The following NCOA6 variants were observed in gnomAD, a reference collection of about 807,000 sequenced individuals.
NCOA6 encodes the protein nuclear receptor coactivator 6, also known as NRC RAP250.
In NCOA6, 49 loss-of-function variants were observed where a neutral mutation model predicts 171.4. The ratio of observed to expected loss-of-function variants is 0.29; its 90% CI spans 0.23 to 0.36. NCOA6 has a LOEUF of 0.36. NCOA6 is among the 10% of genes least tolerant of loss of function. The pLI is 1.00. For synonymous variants in NCOA6, 910 were observed against 927.5 expected (o/e 0.98, Z 0.34); for missense variants, 2,248 against 2,554.5 (o/e 0.88, Z 2.59).
At chr20:34,807,852 GAA>G (rs1465169381) in intron 1 of NCOA6, among the ~76,000 whole-genome samples, 2 of 143,792 alleles carry the variant, frequency 1.4e-5, no homozygotes, top group East Asian at 4.7e-4. Context: ...TTTTTTTGTA[GAA>G]ACAGTATCTT....
At chr20:34,787,194 A>G (rs1008825817) in intron 2 of NCOA6, among the ~76,000 whole-genome samples, 3 of 151,758 alleles carry the variant, frequency 2.0e-5, no homozygotes, top group East Asian at 3.9e-4. Context: ...TTGTCCTCCA[A>G]TCTGTCTCCA....
intron 1 of NCOA6, among the ~76,000 whole-genome samples, chr20:34,807,691 A>T (rs2078501637): frequency 6.6e-6 from 1 of 151,978 alleles, no homozygotes; most frequent in Admixed American, 6.6e-5. Context: ...AGTCCTGGCT[A>T]ATTTTTTGTA....
At chr20:34,761,788 T>C (rs1269058380) in intron 5 of NCOA6, among the ~76,000 whole-genome samples, 4 of 152,124 alleles carry the variant, frequency 2.6e-5, no homozygotes, top group Admixed American at 6.5e-5. Context: ...CCCGAGTAGA[T>C]AGGACTACAG....
At chr20:34,816,380 A>G (rs1416304496) in intron 1 of NCOA6, among the ~76,000 whole-genome samples, 1 of 152,142 alleles carries the variant, frequency 6.6e-6, no homozygotes, top group East Asian at 1.9e-4. Context: ...CTACTGGAGT[A>G]GGGTGGGACC....
intron 11 of NCOA6, among the ~76,000 whole-genome samples, chr20:34,739,848 T>C (rs1340527465): frequency 6.6e-6 from 1 of 152,216 alleles, no homozygotes; most frequent in Non-Finnish European, 1.5e-5. Context: ...GAACTCTTTG[T>C]TTTGAGAGCC....
rs767108951 is a variant in NCOA6 at position 34,782,164 on chromosome 20, T to C, written c.192A>G (p.Lys64=). ...GNIDDKDFKW[K]LDAILKNVPN... is the part of the protein sequence containing the mutation. ...GCACGTTTTTCAATATTGCATCTAA[T>C]TTCCATTTGAAGTCTTTATCATCTA... The change falls in exon 3 of 15, where the codon AAA becomes AAG. Residue 64 remains lysine, a synonymous_variant. Coordinates refer to ENST00000359003, the MANE Select transcript of NCOA6 (RefSeq NM_014071.5). The C allele has an allele frequency of 1.2e-6, 2 of 1,609,312 alleles. No homozygotes were observed. Among genetic ancestry groups the C allele is most frequent in the Non-Finnish European group, 1.7e-6 (2 of 1,177,808 alleles).
intron 14 of NCOA6, among the ~76,000 whole-genome samples, chr20:34,722,832 T>TAC (rs1989536066): frequency 7.0e-6 from 1 of 141,910 alleles, no homozygotes; most frequent in South Asian, 2.2e-4. Flanking sequence ...CTAAAAAAAA[T>TAC]ACACACACAC....
chr20:34,748,435 ATATT>A (rs1441189698), intron 9 of NCOA6, among the ~76,000 whole-genome samples: 1 of 152,218 alleles, frequency 6.6e-6, no homozygotes. Flanking sequence ...TTAATTTTGA[ATATT>A]TAAGCTGGTT....
At chr20:34,736,534 C>A (rs1425402308) in intron 12 of NCOA6, among the ~76,000 whole-genome samples, 156 bp downstream of exon 12, 3 of 152,188 alleles carry the variant, frequency 2.0e-5, no homozygotes, top group Non-Finnish European at 2.9e-5. Context: ...TAGAACTGCA[C>A]AAGCTTTGTC....
chr20:34,812,543 T>G (rs1039512112), intron 1 of NCOA6, among the ~76,000 whole-genome samples: 1 of 152,072 alleles, frequency 6.6e-6, no homozygotes, highest in Non-Finnish European at 1.5e-5. Flanking sequence ...AACATGAAAC[T>G]TGAGATTTCC....
At chr20:34,769,532 T>C (rs1438002861) in intron 4 of NCOA6, among the ~76,000 whole-genome samples, 1 of 151,808 alleles carries the variant, frequency 6.6e-6, no homozygotes, top group East Asian at 1.9e-4. Flanking sequence ...CCCAGCTAAT[T>C]TTTGCATTTT....
chr20:34,753,802 A>G (rs2076565964), intron 8 of NCOA6, among the ~76,000 whole-genome samples: 1 of 152,186 alleles, frequency 6.6e-6, no homozygotes. Context: ...CTTTTTTTGT[A>G]AAAGTCAGAT....
In NCOA6 at chr20:34,757,245, T is replaced by C. The variant is rs1410799953; in HGVS notation, c.1503A>G (p.Pro501=). ...CTCCTAGGCCTGGATGTAAACTCTGTGGCCCCTGGTTTGGTGGTTGCTGCT... is the reference window on the plus strand; with the variant it reads ...CTCCTAGGCCTGGATGTAAACTCTGCGGCCCCTGGTTTGGTGGTTGCTGCT... ...VMQQQPPNQG[P]QSLHPGLGGM... Residue 501 remains proline (P), a synonymous_variant, in exon 7 of 15, where the codon CCA becomes CCG. Coordinates refer to ENST00000359003, the MANE Select transcript of NCOA6 (RefSeq NM_014071.5). 2 of 1,600,010 alleles carry C rather than the reference T, an allele frequency of 1.2e-6. No individual in the cohort carries two copies. Among genetic ancestry groups the C allele is most frequent in the South Asian group, 1.1e-5 (1 of 88,318 alleles).
chr20:34,775,672 C>CAAAAAAAAAAAA (rs570763953), intron 4 of NCOA6, among the ~76,000 whole-genome samples: 4 of 77,538 alleles, frequency 5.2e-5, no homozygotes, highest in Non-Finnish European at 7.6e-5. Context: ...GACTCTGTCT[C>CAAAAAAAAAAAA]AAAAAAAAAA....
At chr20:34,774,481 A>C (rs542919133) in intron 4 of NCOA6, among the ~76,000 whole-genome samples, 217 of 152,376 alleles carry the variant, frequency 1.4e-3, no homozygotes, top group Non-Finnish European at 2.2e-3. Flanking sequence ...TTTCTAAATA[A>C]TTTGTTTGTT....
At chr20:34,732,497 T>C in intron 13 of NCOA6, 62 bp downstream of exon 13, 3 of 1,508,206 alleles carry the variant, frequency 2.0e-6, no homozygotes, top group Non-Finnish European at 2.8e-6. Context: ...CTGAGACAGC[T>C]GATACCTTTC....
chr20:34,809,961 G>A (rs1294541522), intron 1 of NCOA6, among the ~76,000 whole-genome samples: 3 of 151,684 alleles, frequency 2.0e-5, no homozygotes, highest in African/African-American at 7.3e-5. Context: ...GAGCTAGACT[G>A]TCTCAAAAAA....
At chr20:34,758,232 G>A in intron 6 of NCOA6, 128 bp from the exon 7 acceptor site, 3 of 1,251,328 alleles carry the variant, frequency 2.4e-6, no homozygotes, top group African/African-American at 1.5e-5. Context: ...AAATGCTTGT[G>A]AATACCTTCT....
chr20:34,802,195 G>A (rs538453277), intron 1 of NCOA6, among the ~76,000 whole-genome samples: 1 of 152,286 alleles, frequency 6.6e-6, no homozygotes, highest in Admixed American at 6.5e-5. Context: ...GGCTGGGTGC[G>A]GTGGCTCACG....
Sources: gnomAD v4.1 joint callset for allele counts (sites outside exome capture counted in the v4.1 genomes callset) on GRCh38, gnomAD v4.1.1 for gene constraint, MANE v1.5 for transcripts, NCBI Gene and HGNC (gene_info 2026-07-23, HGNC 2026-07-21) for gene names.